The following SRSF10 variants were observed in gnomAD, a reference collection of about 807,000 sequenced individuals.
SRSF10 encodes the protein serine/arginine-rich splicing factor 10.
Under a neutral mutation model 32.6 loss-of-function variants are expected in SRSF10, and 9 were observed. That is an observed-to-expected ratio of 0.28 (90% confidence interval 0.17 to 0.48). The LOEUF (loss-of-function observed/expected upper bound fraction) is 0.48, where lower values mean the gene tolerates loss of function less well. Ranked by LOEUF, SRSF10 falls within the 20% of genes least tolerant of loss-of-function variation. The probability of loss-of-function intolerance (pLI) is 0.99; values close to 1 mark genes in which losing one functional copy is unlikely to be tolerated. For missense variants in SRSF10, 201 were observed against 331.8 expected, an observed-to-expected ratio of 0.61 and a Z score of 3.06; for synonymous variants, 105 against 112.4, an observed-to-expected ratio of 0.93 and a Z score of 0.42.
At position 23,965,469 on chromosome 1, in the gene SRSF10, G is replaced by A. The variant is rs1641407325; in HGVS notation, c.*5673C>T. 1 of 152,084 alleles carries A rather than the reference G, an allele frequency of 6.6e-6. No individual in the cohort carries two copies. The highest frequency in any genetic ancestry group is 1.5e-5 in the Non-Finnish European group (1 of 67,854). 9.4% of individuals were successfully genotyped at this position (152,084 alleles called of 1,614,324 possible). On this transcript the variant is annotated 3_prime_UTR_variant, in exon 6 of 6. Coordinates refer to ENST00000492112, the MANE Select transcript of SRSF10 (RefSeq NM_054016.4). ...TTTACCTTGTAAGGTTGTGAGAAAT[G>A]AATAGCATAATATGCAAGAAGCTAT...
rs1044728859 is a variant in SRSF10, at chr1:23,964,898, T to A, written c.*6244A>T. 2.6e-5 allele frequency: 4 copies of A among 152,028 alleles called. No homozygotes were observed. The highest frequency in any genetic ancestry group is 7.2e-5 in the African/African-American group (3 of 41,436). The allele number at this position is 152,028 out of a possible 1,614,324, so 9.4% of individuals were successfully genotyped here. On this transcript the variant is annotated 3_prime_UTR_variant, in exon 6 of 6. Coordinates refer to ENST00000492112, the MANE Select transcript of SRSF10 (RefSeq NM_054016.4). ...TAGATACAAAGGCCTTTTACTTCTT[T>A]ACAAACTACGGTTAGTTCTCAATGA...
chr1:23,967,972 A>AT lies in SRSF10; in HGVS notation c.*3169_*3170insA, dbSNP rs1463580501. 1 of 1,543,908 alleles carries AT rather than the reference A, an allele frequency of 6.5e-7. No homozygotes were observed. Among genetic ancestry groups the AT allele is most frequent in the South Asian group, 1.2e-5 (1 of 83,916 alleles). ...GCTTACTTGGCTTCAAAAAAAAAAA[A>AT]AAAATGCAGAGAGATCTTAAGTAAA... On this transcript the variant is annotated 3_prime_UTR_variant, in exon 6 of 6. Coordinates refer to ENST00000492112, the MANE Select transcript of SRSF10 (RefSeq NM_054016.4).
chr1:23,980,159 G>A, intron 1 of SRSF10, 32 bp downstream of exon 1: 1 of 1,528,808 alleles, frequency 6.5e-7, no homozygotes, highest in Non-Finnish European at 8.8e-7. Flanking sequence ...CGGCCTCCCC[G>A]CCTAGGCCCG....
rs1038204539 is a variant in SRSF10, at chr1:23,966,677, G to T, written c.*4465C>A. ...TACTTATTTTGGGGGTTATATCCTAGCATGTGTTTGGTGAGGCAGAGTAAA... is the reference window on the plus strand; with the variant it reads ...TACTTATTTTGGGGGTTATATCCTATCATGTGTTTGGTGAGGCAGAGTAAA... On this transcript the variant is annotated 3_prime_UTR_variant, in exon 6 of 6. Coordinates refer to ENST00000492112, the MANE Select transcript of SRSF10 (RefSeq NM_054016.4). 1 of 151,950 alleles carries T rather than the reference G, an allele frequency of 6.6e-6. No individual in the cohort carries two copies. Among genetic ancestry groups the T allele is most frequent in the African/African-American group, 2.4e-5 (1 of 41,422 alleles). 9.4% of individuals were successfully genotyped at this position (151,950 alleles called of 1,614,324 possible).
chr1:23,974,964 G>T lies in SRSF10; in HGVS notation c.274+10C>A. On this transcript the variant is annotated intron_variant, in intron 3 of 5. Transcript: ENST00000492112. Reference sequence around the variant, plus strand: ...AATGTTTCATACATATCAGGCATAAGGGTACTTACTCTTTCGATCCCCCTG... The same window carrying T: ...AATGTTTCATACATATCAGGCATAATGGTACTTACTCTTTCGATCCCCCTG... 1 of 1,585,378 alleles carries T rather than the reference G, an allele frequency of 6.3e-7. No individual in the cohort carries two copies. Among genetic ancestry groups the T allele is most frequent in the Non-Finnish European group, 8.7e-7 (1 of 1,154,176 alleles).
rs1641543794 is a variant in SRSF10 at position 23,968,076 on chromosome 1, G to T, written c.*3066C>A. The T allele has an allele frequency of 1.3e-6, 2 of 1,482,622 alleles. No individual in the cohort carries two copies. The highest frequency in any genetic ancestry group is 1.4e-5 in the African/African-American group (1 of 70,852). 91.8% of individuals were successfully genotyped at this position (1,482,622 alleles called of 1,614,324 possible). ...TTATCATTGAGCCCAGTCATACACA[G>T]TAGGTAAACTCAGTAAGTGGGGGAC... On this transcript the variant is annotated 3_prime_UTR_variant, in exon 6 of 6. Transcript: ENST00000492112.
chr1:23,977,857 T>C (rs1570791422), intron 2 of SRSF10: 6 of 959,414 alleles, frequency 6.3e-6, no homozygotes, highest in Non-Finnish European at 6.1e-6. Context: ...GAAAATTAAC[T>C]GCTTACAAAA....
In SRSF10 at chr1:23,968,145, T is replaced by A. The variant is rs529605662; in HGVS notation, c.*2997A>T. On this transcript the variant is annotated 3_prime_UTR_variant, in exon 6 of 6. Coordinates refer to ENST00000492112, the MANE Select transcript of SRSF10 (RefSeq NM_054016.4). ...ACTAACATAAAACACTACGTAAAGA[T>A]CCTCATCAAGTATCAGTAGGATCCA... Among the ~76,000 whole-genome samples, 19 of 152,056 alleles carry A rather than the reference T, an allele frequency of 1.2e-4. No individual in the cohort carries two copies. The highest frequency in any genetic ancestry group is 2.5e-4 in the Non-Finnish European group (17 of 67,998).
chr1:23,974,123 C>G (rs1266477460), intron 3 of SRSF10, among the ~76,000 whole-genome samples: 3 of 152,054 alleles, frequency 2.0e-5, no homozygotes, highest in Non-Finnish European at 4.4e-5. Context: ...TCCCCAGCAG[C>G]TGGGACTACA....
At position 23,966,523 on chromosome 1, in the gene SRSF10, A is replaced by AAG. The variant is rs1641457849; in HGVS notation, c.*4617_*4618dup. 1 of 152,012 alleles carries AAG rather than the reference A, an allele frequency of 6.6e-6. No individual in the cohort carries two copies. Among genetic ancestry groups the AAG allele is most frequent in the Non-Finnish European group, 1.5e-5 (1 of 67,876 alleles). The allele number at this position is 152,012 out of a possible 1,614,324, so 9.4% of individuals were successfully genotyped here. On this transcript the variant is annotated 3_prime_UTR_variant, in exon 6 of 6. Coordinates refer to ENST00000492112, the MANE Select transcript of SRSF10 (RefSeq NM_054016.4). Reference sequence around the variant, plus strand: ...TAAAATGTACATGTAAATCACTAAAAAGTATAATTTGGTGAACATTTTCTC... The same window carrying AAG: ...TAAAATGTACATGTAAATCACTAAAAAGAGTATAATTTGGTGAACATTTTCTC...
rs376415057 is a variant in SRSF10, at chr1:23,978,879, A to G, written c.66-62T>C. The stretch of plus-strand genomic sequence containing the variant: ...CAAGTCCTTAAGATGTATAGGCAAT[A>G]TATCTTTTTGATGAAGGAAAGCTAG... On this transcript the variant is annotated intron_variant, in intron 1 of 5. Coordinates refer to ENST00000492112, the MANE Select transcript of SRSF10 (RefSeq NM_054016.4). The G allele has an allele frequency of 4.9e-6, 7 of 1,415,856 alleles. No individual in the cohort carries two copies. The East Asian group carries it at 7.1e-5, about 14-fold the overall frequency. 87.7% of individuals were successfully genotyped at this position (1,415,856 alleles called of 1,614,324 possible).
intron 1 of SRSF10, among the ~76,000 whole-genome samples, chr1:23,979,237 TAA>T (rs1642287351): frequency 6.6e-6 from 1 of 152,036 alleles, no homozygotes; most frequent in African/African-American, 2.4e-5. Context: ...CAAGATGACG[TAA>T]AGAGAAAATT....
At position 23,971,351 on chromosome 1, in the gene SRSF10, T is replaced by G; in HGVS notation, c.580A>C (p.Lys194Gln). 1 of 1,612,858 alleles carries G rather than the reference T, an allele frequency of 6.2e-7. No individual in the cohort carries two copies. Among genetic ancestry groups the G allele is most frequent in the Middle Eastern group, 2.0e-4 (1 of 5,082 alleles). Residue 194 changes from lysine (K) to glutamine (Q), a missense_variant, in exon 6 of 6, where the codon AAA (lysine) becomes CAA (glutamine). Lys to Gln is a moderately conservative substitution (Grantham distance 53). Around this residue, in one of 3 missense-constraint regions of SRSF10, gnomAD observed 159 missense variants for 196.7 expected, o/e 0.81. Transcript: ENST00000492112. ...KSQPKKEMKA[K>Q]SRSRSASHTK... ...TGAGATGCAGACCTAGAACGTGATT[T>G]AGCCTTCATTTCTTTCTTGGGCTGG...
rs1191343285 is a variant in SRSF10 at position 23,964,394 on chromosome 1, A to G, written c.*6748T>C. On this transcript the variant is annotated 3_prime_UTR_variant, in exon 6 of 6. Transcript: ENST00000492112. ...GTTAGCCTATATAGAGAATGGTGATAGGAATTTCCCAAGTCGATGCAATTG... is the reference window on the plus strand; with the variant it reads ...GTTAGCCTATATAGAGAATGGTGATGGGAATTTCCCAAGTCGATGCAATTG... Among the ~76,000 whole-genome samples, 1 of 150,638 alleles carries G rather than the reference A, an allele frequency of 6.6e-6. No homozygotes were observed.
chr1:23,979,872 G>GC (rs1256372159), intron 1 of SRSF10, among the ~76,000 whole-genome samples: 1 of 151,994 alleles, frequency 6.6e-6, no homozygotes, highest in Non-Finnish European at 1.5e-5. Context: ...ATCAATGGGG[G>GC]GCGGCCGTCG....
chr1:23,966,361 AGAT>A lies in SRSF10; in HGVS notation c.*4778_*4780del, dbSNP rs1641450633. 1 of 151,990 alleles carries A rather than the reference AGAT, an allele frequency of 6.6e-6. No individual in the cohort carries two copies. Among genetic ancestry groups the A allele is most frequent in the Non-Finnish European group, 1.5e-5 (1 of 67,866 alleles). 9.4% of individuals were successfully genotyped at this position (151,990 alleles called of 1,614,324 possible). A position where few individuals can be genotyped will look rare whatever the true frequency, so the allele number is the denominator to read the frequency against. On this transcript the variant is annotated 3_prime_UTR_variant, in exon 6 of 6. Coordinates refer to ENST00000492112, the MANE Select transcript of SRSF10 (RefSeq NM_054016.4). ...GAAAATTTTAAGTATGTGGCAAAAA[AGAT>A]GACAAAAATCAAATGTGATGAAATC...
At chr1:23,978,125 T>A (rs1407545015) in intron 2 of SRSF10, 4 of 985,334 alleles carry the variant, frequency 4.1e-6, no homozygotes, top group Non-Finnish European at 4.8e-6. Context: ...TTTTCTTTAT[T>A]TTTTCTTTTC....
At chr1:23,978,387 A>G in intron 2 of SRSF10, 3 of 836,362 alleles carry the variant, frequency 3.6e-6, no homozygotes, top group Non-Finnish European at 4.4e-6. Context: ...AGAATACCAA[A>G]TTTTAATTGC....
Position 23,970,136 on chromosome 1 carries a change from T to C in SRSF10, c.*1006A>G. 9.1e-6 allele frequency: 9 copies of C among 985,396 alleles called. No individual in the cohort carries two copies. Among genetic ancestry groups the C allele is most frequent in the Non-Finnish European group, 1.1e-5 (9 of 829,894 alleles). 61.0% of individuals were successfully genotyped at this position (985,396 alleles called of 1,614,324 possible). On this transcript the variant is annotated 3_prime_UTR_variant, in exon 6 of 6. Coordinates refer to ENST00000492112, the MANE Select transcript of SRSF10 (RefSeq NM_054016.4). The stretch of plus-strand genomic sequence containing the variant: ...AATAACTACATAAGAATATTCCTTT[T>C]TCCTTAAAATTATTTTTGCCATCAA...
Sources: gnomAD v4.1 joint callset for allele counts (sites outside exome capture counted in the v4.1 genomes callset) on GRCh38, gnomAD v4.1.1 for gene constraint, gnomAD v4.1.1 regional missense constraint, MANE v1.5 for transcripts, NCBI Gene and HGNC (gene_info 2026-07-23, HGNC 2026-07-21) for gene names.